Variants in LAMA1 observed in about 807,000 individuals in gnomAD.
The protein encoded by LAMA1 is laminin subunit alpha-1.
A neutral mutation model predicts 348.7 loss-of-function variants in LAMA1; 219 were observed. The ratio of observed to expected loss-of-function variants is 0.63; its 90% CI spans 0.56 to 0.70. The LOEUF (loss-of-function observed/expected upper bound fraction) is 0.70, where lower values mean the gene tolerates loss of function less well. LAMA1 is among the 30% of genes least tolerant of loss of function. The pLI is 0.00. For missense variants in LAMA1, 3,744 were observed against 3,888.0 expected (o/e 0.96, Z 0.99); for synonymous variants, 1,487 against 1,491.0 (o/e 1.00, Z 0.06).
At chr18:7,110,876 GT>G (rs57946763) in intron 1 of LAMA1, among the ~76,000 whole-genome samples, 20,706 of 105,092 alleles carry the variant, frequency 0.2, 3,530 homozygotes, top group African/African-American at 0.48. Context: ...TGGTGTGAGG[GT>G]TTTTTTTCCC....
At position 7,001,714 on chromosome 18, in the gene LAMA1, A is replaced by G. The variant is rs1296803831; in HGVS notation, c.4382+550T>C. ...ATGAGTTATAATTTTCATTTGATCCAAAGAGGATTCTTTGATATTCTAATT... is the reference window on the plus strand; with the variant it reads ...ATGAGTTATAATTTTCATTTGATCCGAAGAGGATTCTTTGATATTCTAATT... On this transcript the variant is annotated intron_variant, in intron 30 of 62. Transcript: ENST00000389658. 2.6e-5 allele frequency among the ~76,000 whole-genome samples: 4 copies of G among 152,228 alleles called. No homozygotes were observed. In the South Asian group the frequency reaches 6.2e-4, roughly 24 times the overall value.
rs750932752 is a variant in LAMA1, at chr18:6,958,512, G to C, written c.7929C>G (p.Phe2643Leu). 1 of 1,614,054 alleles carries C rather than the reference G, an allele frequency of 6.2e-7. No homozygotes were observed. The highest frequency in any genetic ancestry group is 1.3e-5 in the African/African-American group (1 of 74,938). ...AGATCAGGTTTTTGATACAGCCATG[G>C]AACGATCTTCTCATTGTGAGCAGTG... is the stretch of plus-strand genomic sequence containing the variant. ...GTSLLTMRRS[F>L]HGCIKNLIFN... Residue 2643 changes from phenylalanine (F) to leucine (L), a missense_variant, in exon 55 of 63, where the codon TTC (phenylalanine) becomes TTG (leucine). Physicochemically the swap from Phe to Leu is conservative, Grantham distance 22. Around this residue, in one of 3 missense-constraint regions of LAMA1, gnomAD observed 1,983 missense variants for 1,934.3 expected, o/e 1.03. Coordinates refer to ENST00000389658, the MANE Select transcript of LAMA1 (RefSeq NM_005559.4).
At chr18:7,109,381 C>T (rs980619665) in intron 1 of LAMA1, among the ~76,000 whole-genome samples, 3 of 152,220 alleles carry the variant, frequency 2.0e-5, no homozygotes, top group Non-Finnish European at 2.9e-5. Flanking sequence ...AGAAATGTCC[C>T]TTCTTTTTGA....
intron 1 of LAMA1, among the ~76,000 whole-genome samples, chr18:7,092,421 C>G (rs1314885527): frequency 6.6e-6 from 1 of 152,154 alleles, no homozygotes; most frequent in East Asian, 1.9e-4. Context: ...GTCAGGAGAT[C>G]GAGACCATCC....
chr18:7,048,026 T>C (rs1285772827), intron 5 of LAMA1, among the ~76,000 whole-genome samples: 1 of 152,132 alleles, frequency 6.6e-6, no homozygotes, highest in Non-Finnish European at 1.5e-5. Flanking sequence ...AAATGGTAAA[T>C]TGGGATTCGT....
chr18:7,036,030 G>A lies in LAMA1; in HGVS notation c.1796C>T (p.Thr599Met), dbSNP rs148234507. The A allele has an allele frequency of 6.4e-5, 103 of 1,614,124 alleles. 1 individual carries two copies. In the African/African-American group the frequency reaches 7.5e-4, roughly 12 times the overall value. The change falls in exon 13 of 63, where the codon ACG becomes ATG. Residue 599 changes from threonine (T) to methionine (M), a missense_variant. Coordinates refer to ENST00000389658, the MANE Select transcript of LAMA1 (RefSeq NM_005559.4). ...ATGCGACATGAGGTTACTGTCTACC[G>A]TCTCTACCGGAATATCGTAGGACAC... ...YTVSYDIPVE[T>M]VDSNLMSHAD...
chr18:6,975,824 G>C, intron 45 of LAMA1, 113 bp downstream of exon 45: 1 of 1,253,434 alleles, frequency 8.0e-7, no homozygotes, highest in Non-Finnish European at 1.2e-6. Context: ...CCCTATGGGA[G>C]ATTTAGAGAT....
At position 6,985,555 on chromosome 18, in the gene LAMA1, T is replaced by G. The variant is rs1280350298; in HGVS notation, c.5468A>C (p.Gln1823Pro). ...TAGAGCATCTTGTACAGCATCTGTT[T>G]GTGCAGCAGCAGCATCTATCAATCC... is the stretch of plus-strand genomic sequence containing the variant. ...GRGLIDAAAA[Q>P]TDAVQDALEH... Residue 1823 changes from glutamine to proline, a missense_variant, in exon 38 of 63, where the codon CAA (glutamine) becomes CCA (proline). Gln to Pro is a moderately conservative substitution (Grantham distance 76, BLOSUM62 -1). Transcript: ENST00000389658. 1.9e-6 allele frequency: 3 copies of G among 1,614,070 alleles called. No homozygotes were observed. The highest frequency in any genetic ancestry group is 1.3e-5 in the African/African-American group (1 of 74,946).
intron 1 of LAMA1, 50 bp downstream of exon 1, chr18:7,117,606 CCCCG>C: frequency 2.5e-6 from 4 of 1,568,732 alleles, no homozygotes; most frequent in South Asian, 1.1e-5. Flanking sequence ...CCGCGGCCGC[CCCCG>C]CCCGCCCGCC....
At chr18:6,955,773 T>A (rs920750002) in intron 56 of LAMA1, 3 of 454,340 alleles carry the variant, frequency 6.6e-6, no homozygotes, top group East Asian at 9.7e-5. Flanking sequence ...GGCCTTGCTG[T>A]CCCCCTAGGC....
chr18:7,005,901 T>C (rs1207910904), intron 29 of LAMA1, among the ~76,000 whole-genome samples: 1 of 152,118 alleles, frequency 6.6e-6, no homozygotes, highest in Non-Finnish European at 1.5e-5. Flanking sequence ...AAAACCAGAA[T>C]CAAAATGTGG....
chr18:6,984,961 G>T (rs1278517771), intron 39 of LAMA1, among the ~76,000 whole-genome samples: 1 of 152,170 alleles, frequency 6.6e-6, no homozygotes, highest in Non-Finnish European at 1.5e-5. Context: ...GCTTGATACT[G>T]TAGCATAATA....
chr18:7,021,093 G>A (rs2057913276), intron 19 of LAMA1, among the ~76,000 whole-genome samples: 1 of 152,104 alleles, frequency 6.6e-6, no homozygotes, highest in African/African-American at 2.4e-5. Context: ...GGCAGGGCCT[G>A]CCTACTTGCC....
chr18:7,023,106 G>A (rs984913956), intron 19 of LAMA1, 58 bp downstream of exon 19: 99 of 1,551,374 alleles, frequency 6.4e-5, no homozygotes, highest in African/African-American at 1.1e-4. Flanking sequence ...GTGACTATAC[G>A]GTTGAAGACT....
chr18:7,013,336 G>C (rs1164506296), intron 23 of LAMA1, among the ~76,000 whole-genome samples: 1 of 152,066 alleles, frequency 6.6e-6, no homozygotes, highest in African/African-American at 2.4e-5. Flanking sequence ...AGGTGGCTCT[G>C]ACCTCCTAAT....
intron 1 of LAMA1, among the ~76,000 whole-genome samples, chr18:7,099,662 AAAG>A (rs1438592543): frequency 6.6e-6 from 1 of 151,956 alleles, no homozygotes; most frequent in Non-Finnish European, 1.5e-5. Flanking sequence ...ATAACCCACA[AAAG>A]AAAATAATTG....
rs756232398 is a variant in LAMA1, at chr18:7,080,436, T to C, written c.83A>G (p.Asn28Ser). 3.1e-6 allele frequency: 5 copies of C among 1,614,046 alleles called. No homozygotes were observed. Among genetic ancestry groups the C allele is most frequent in the Non-Finnish European group, 4.2e-6 (5 of 1,180,052 alleles). The change falls in exon 2 of 63, where the codon AAT becomes AGT. Residue 28 changes from asparagine (N) to serine (S), a missense_variant. Coordinates refer to ENST00000389658, the MANE Select transcript of LAMA1 (RefSeq NM_005559.4). The stretch of plus-strand genomic sequence containing the variant: ...GCTGATGTGAGCATTGCTGGCAAGA[T>C]TGAGAATGGCAGGAAACAGGCCTGA... ...RQRGLFPAILNLASNAHISTN... is the reference protein window; with the variant it reads ...RQRGLFPAILSLASNAHISTN...
chr18:7,088,870 G>A (rs1182442124), intron 1 of LAMA1, among the ~76,000 whole-genome samples: 2 of 152,062 alleles, frequency 1.3e-5, no homozygotes, highest in South Asian at 2.1e-4. Flanking sequence ...GGCTGGACAC[G>A]GAGGCTCAGG....
chr18:6,986,487 A>T (rs976190452), intron 36 of LAMA1, 140 bp from the exon 37 acceptor site: 18 of 730,698 alleles, frequency 2.5e-5, no homozygotes, highest in Non-Finnish European at 3.9e-5. Context: ...ACTTCTTAAG[A>T]ATGGAAACAA....
Sources: allele counts gnomAD v4.1 joint callset (sites outside exome capture counted in the v4.1 genomes callset), GRCh38; gene constraint gnomAD v4.1.1; regional missense constraint gnomAD v4.1.1; transcripts MANE v1.5; gene names NCBI Gene and HGNC (gene_info 2026-07-23, HGNC 2026-07-21).